Variants in GLI2 observed in about 807,000 individuals in gnomAD.
GLI2 encodes the protein transcription activator GLI2.
A neutral mutation model predicts 78.9 loss-of-function variants in GLI2; 22 were observed. The ratio of observed to expected loss-of-function variants is 0.28; its 90% CI spans 0.20 to 0.40. The LOEUF (loss-of-function observed/expected upper bound fraction) is 0.40. Ranked by LOEUF, GLI2 falls within the 10% of genes least tolerant of loss-of-function variation. The probability of loss-of-function intolerance (pLI) is 1.00; values close to 1 mark genes in which losing one functional copy is unlikely to be tolerated. For missense variants in GLI2, 2,097 were observed against 2,213.2 expected, an observed-to-expected ratio of 0.95 and a Z score of 1.05; for synonymous variants, 974 against 963.7, an observed-to-expected ratio of 1.01 and a Z score of -0.20.
chr2:120,799,735 T>C (rs1408942965), intron 2 of GLI2, among the ~76,000 whole-genome samples: 1 of 152,194 alleles, frequency 6.6e-6, no homozygotes, highest in African/African-American at 2.4e-5. Flanking sequence ...TAAATGTTAC[T>C]GGATGGTGGC....
intron 5 of GLI2, among the ~76,000 whole-genome samples, chr2:120,956,257 C>T (rs1681256345): frequency 6.6e-6 from 1 of 152,038 alleles, no homozygotes; most frequent in Non-Finnish European, 1.5e-5. Context: ...AAGTTGACCT[C>T]AGGGTCTCGG....
chr2:120,808,784 CTG>C (rs1243063802), intron 2 of GLI2, among the ~76,000 whole-genome samples: 2 of 152,190 alleles, frequency 1.3e-5, no homozygotes, highest in Non-Finnish European at 2.9e-5. Flanking sequence ...TCAGCCAACT[CTG>C]TAGTGCAGGG....
At chr2:120,820,949 C>G (rs1037363330) in intron 2 of GLI2, among the ~76,000 whole-genome samples, 2 of 152,034 alleles carry the variant, frequency 1.3e-5, no homozygotes, top group East Asian at 1.9e-4. Context: ...GGAGGCGTTT[C>G]GAAGGGCTTG....
chr2:120,986,853 C>T (rs962939723), intron 13 of GLI2, among the ~76,000 whole-genome samples: 1 of 152,218 alleles, frequency 6.6e-6, no homozygotes, highest in African/African-American at 2.4e-5. Context: ...GTCCTTATAA[C>T]CCCCCAAAAC....
intron 2 of GLI2, among the ~76,000 whole-genome samples, chr2:120,883,473 C>T (rs768394282): frequency 3.9e-5 from 6 of 152,098 alleles, no homozygotes; most frequent in Non-Finnish European, 5.9e-5. Context: ...GGTGACAGAG[C>T]GAAACCTTGT....
At chr2:120,813,053 G>A (rs1233896252) in intron 2 of GLI2, among the ~76,000 whole-genome samples, 1 of 152,216 alleles carries the variant, frequency 6.6e-6, no homozygotes, top group Admixed American at 6.5e-5. Context: ...CTGTGAAAGG[G>A]TCCCGAAGAA....
At chr2:120,861,987 C>A (rs899960439) in intron 2 of GLI2, among the ~76,000 whole-genome samples, 7 of 152,266 alleles carry the variant, frequency 4.6e-5, no homozygotes, top group Non-Finnish European at 1.0e-4. Context: ...GGGTGAACCA[C>A]CCCAGATGGG....
intron 2 of GLI2, among the ~76,000 whole-genome samples, chr2:120,918,395 A>G (rs1679200989): frequency 1.3e-5 from 2 of 150,108 alleles, no homozygotes; most frequent in African/African-American, 4.9e-5. Context: ...GAAGGGCATT[A>G]TGACTTATTA....
In GLI2 at chr2:120,869,615, G is replaced by A. The variant is rs186383254; in HGVS notation, c.149-57746G>A. On this transcript the variant is annotated intron_variant, in intron 2 of 13. Transcript: ENST00000361492. ...GTAAACTGATAGCAGTTGCAAAATAGTCATCAATCACCAGGCAGTGTCGCT... is the reference window on the plus strand; with the variant it reads ...GTAAACTGATAGCAGTTGCAAAATAATCATCAATCACCAGGCAGTGTCGCT... Among the ~76,000 whole-genome samples the A allele has an allele frequency of 2.0e-5, 3 of 152,320 alleles. No homozygotes were observed. The East Asian group carries it at 5.8e-4, about 29-fold the overall frequency.
rs376132749 is a variant in GLI2 at position 120,988,265 on chromosome 2, C to G, written c.2300C>G (p.Pro767Arg). The G allele has an allele frequency of 1.3e-6, 2 of 1,569,922 alleles. No individual in the cohort carries two copies. Among genetic ancestry groups the G allele is most frequent in the Non-Finnish European group, 1.7e-6 (2 of 1,163,668 alleles). ...SGGGGPAGLL[P>R]NPRLSELSAS... is the part of the protein sequence containing the mutation. The stretch of plus-strand genomic sequence containing the variant: ...GGCGGCGGGCCCGCGGGGCTGCTGC[C>G]GAACCCGCGGCTGTCGGAGCTGTCC... The change falls in exon 14 of 14, where the codon CCG (proline) becomes CGG (arginine). Residue 767 changes from proline to arginine, a missense_variant. Physicochemically the swap from Pro to Arg is moderately radical, Grantham distance 103. Transcript: ENST00000361492.
intron 3 of GLI2, among the ~76,000 whole-genome samples, chr2:120,949,946 A>G (rs1680898062): frequency 6.6e-6 from 1 of 152,222 alleles, no homozygotes; most frequent in Non-Finnish European, 1.5e-5. Flanking sequence ...CCCTGAAATA[A>G]CCAGTTCCAG....
At chr2:120,973,862 T>A (rs1377512655) in intron 8 of GLI2, among the ~76,000 whole-genome samples, 1 of 152,116 alleles carries the variant, frequency 6.6e-6, no homozygotes, top group Non-Finnish European at 1.5e-5. Flanking sequence ...GAGTCTCCAT[T>A]GACAGCAGGG....
At chr2:120,825,323 A>C (rs1326549882) in intron 2 of GLI2, among the ~76,000 whole-genome samples, 1 of 148,914 alleles carries the variant, frequency 6.7e-6, no homozygotes, top group Admixed American at 6.6e-5. Flanking sequence ...CCCTCACATT[A>C]AAACAACCTC....
intron 1 of GLI2, among the ~76,000 whole-genome samples, chr2:120,769,593 G>A (rs62150670): frequency 0.019 from 2,823 of 152,332 alleles, 57 homozygotes; most frequent in Non-Finnish European, 0.032. Flanking sequence ...CTTACAGAAG[G>A]CAAGCTCAGA....
At position 120,891,547 on chromosome 2, in the gene GLI2, G is replaced by A. The variant is rs919391585; in HGVS notation, c.149-35814G>A. Among the ~76,000 whole-genome samples, 6 of 152,158 alleles carry A rather than the reference G, an allele frequency of 3.9e-5. No homozygotes were observed. The South Asian group carries it at 8.3e-4, about 21-fold the overall frequency. ...AAATCACACAAATAGATGAACGGGCGTACAGAATGTGATTGAAGCCTGGGC... is the reference window on the plus strand; with the variant it reads ...AAATCACACAAATAGATGAACGGGCATACAGAATGTGATTGAAGCCTGGGC... On this transcript the variant is annotated intron_variant, in intron 2 of 13. Coordinates refer to ENST00000361492, the MANE Select transcript of GLI2 (RefSeq NM_001374353.1).
chr2:120,957,586 A>G (rs1246076592), intron 5 of GLI2, among the ~76,000 whole-genome samples: 2 of 152,252 alleles, frequency 1.3e-5, no homozygotes, highest in African/African-American at 4.8e-5. Flanking sequence ...GGGTGGCACC[A>G]GGCCAATAGG....
intron 3 of GLI2, among the ~76,000 whole-genome samples, chr2:120,948,071 G>A (rs1488093079): frequency 6.6e-6 from 1 of 152,242 alleles, no homozygotes; most frequent in Non-Finnish European, 1.5e-5. Flanking sequence ...AGTCAGTCCT[G>A]GACAGCAGTG....
chr2:120,899,017 C>G (rs1272868433), intron 2 of GLI2, among the ~76,000 whole-genome samples: 1 of 152,164 alleles, frequency 6.6e-6, no homozygotes, highest in Non-Finnish European at 1.5e-5. Flanking sequence ...GTCCTTTTTC[C>G]TCTACTCCCT....
chr2:120,773,264 A>G (rs1477409157), intron 1 of GLI2, among the ~76,000 whole-genome samples: 4 of 152,170 alleles, frequency 2.6e-5, no homozygotes, highest in Non-Finnish European at 5.9e-5. Context: ...CTTAGAGCGT[A>G]GGCCTGTAGC....
Sources: gnomAD v4.1 joint callset for allele counts (sites outside exome capture counted in the v4.1 genomes callset) on GRCh38, gnomAD v4.1.1 for gene constraint, MANE v1.5 for transcripts, NCBI Gene and HGNC (gene_info 2026-07-23, HGNC 2026-07-21) for gene names.